Variants in TTC28 observed in about 807,000 individuals in gnomAD.
The protein encoded by TTC28 is tetratricopeptide repeat protein 28.
In TTC28, 61 loss-of-function variants were observed where a neutral mutation model predicts 198.0. The ratio of observed to expected loss-of-function variants is 0.31; its 90% CI spans 0.25 to 0.38. The LOEUF is 0.38. Among genes scored for constraint, TTC28 ranks in the 10% least tolerant of loss-of-function variants. The pLI is 1.00. For synonymous variants in TTC28, 1,171 were observed against 1,297.8 expected, an observed-to-expected ratio of 0.90 and a Z score of 2.10; for missense variants, 2,678 against 3,164.0, an observed-to-expected ratio of 0.85 and a Z score of 3.69.
intron 6 of TTC28, among the ~76,000 whole-genome samples, chr22:28,133,693 A>C (rs1326889877): frequency 6.6e-6 from 1 of 152,222 alleles, no homozygotes; most frequent in East Asian, 1.9e-4. Context: ...AGGCTTGAGT[A>C]GGTAAACAAA....
At chr22:28,149,597 T>C (rs1013247353) in intron 6 of TTC28, among the ~76,000 whole-genome samples, 3 of 152,204 alleles carry the variant, frequency 2.0e-5, no homozygotes, top group African/African-American at 7.2e-5. Flanking sequence ...CCTAGGCCAA[T>C]GCAGGGTCAG....
intron 5 of TTC28, among the ~76,000 whole-genome samples, chr22:28,213,725 G>A (rs1927130772): frequency 6.6e-6 from 1 of 150,686 alleles, no homozygotes; most frequent in Admixed American, 6.6e-5. Flanking sequence ...TATAGATTCA[G>A]TGCCATCTCC....
chr22:28,525,294 A>G (rs2048985650), intron 2 of TTC28, among the ~76,000 whole-genome samples: 1 of 152,074 alleles, frequency 6.6e-6, no homozygotes, highest in Non-Finnish European at 1.5e-5. Flanking sequence ...CTAGGACCAC[A>G]GGTGCACATT....
intron 1 of TTC28, among the ~76,000 whole-genome samples, chr22:28,674,459 T>C (rs2051945036): frequency 6.6e-6 from 1 of 152,160 alleles, no homozygotes; most frequent in Non-Finnish European, 1.5e-5. Flanking sequence ...TCCTCTTTTA[T>C]TTAACAATTC....
intron 2 of TTC28, among the ~76,000 whole-genome samples, chr22:28,624,875 C>T (rs1368045828): frequency 6.6e-6 from 1 of 152,004 alleles, no homozygotes; most frequent in African/African-American, 2.4e-5. Flanking sequence ...CAACAATAAA[C>T]AAAAAGAATA....
At chr22:28,538,751 A>C (rs2049351283) in intron 2 of TTC28, among the ~76,000 whole-genome samples, 1 of 151,608 alleles carries the variant, frequency 6.6e-6, no homozygotes, top group South Asian at 2.1e-4. Context: ...TAGTAGAGAC[A>C]GGGTTTCACC....
At chr22:28,179,109 T>C (rs1344563164) in intron 5 of TTC28, among the ~76,000 whole-genome samples, 3 of 151,994 alleles carry the variant, frequency 2.0e-5, no homozygotes, top group Non-Finnish European at 4.4e-5. Context: ...CTAATTAGAA[T>C]ACAATTGGGT....
chr22:28,573,488 AAG>A (rs1265690329), intron 2 of TTC28, among the ~76,000 whole-genome samples: 1 of 151,916 alleles, frequency 6.6e-6, no homozygotes, highest in Non-Finnish European at 1.5e-5. Flanking sequence ...ATAAATAAAT[AAG>A]AGAAGCAATA....
At chr22:28,536,362 C>T (rs1397793014) in intron 2 of TTC28, among the ~76,000 whole-genome samples, 2 of 151,968 alleles carry the variant, frequency 1.3e-5, no homozygotes, top group South Asian at 2.1e-4. Flanking sequence ...CGGTGGCTCA[C>T]GCCTGTAATC....
intron 2 of TTC28, among the ~76,000 whole-genome samples, chr22:28,521,897 AG>A (rs1360792813): frequency 6.6e-6 from 1 of 152,222 alleles, no homozygotes; most frequent in Non-Finnish European, 1.5e-5. Flanking sequence ...GTGAACACCC[AG>A]AGCTCTTTAT....
chr22:28,138,674 A>C (rs1463181010), intron 6 of TTC28, among the ~76,000 whole-genome samples: 1 of 152,328 alleles, frequency 6.6e-6, no homozygotes, highest in Non-Finnish European at 1.5e-5. Flanking sequence ...TATCAAGGCC[A>C]AACAACTTGT....
intron 2 of TTC28, among the ~76,000 whole-genome samples, chr22:28,603,528 CA>C (rs2050677592): frequency 6.6e-6 from 1 of 152,156 alleles, no homozygotes; most frequent in Non-Finnish European, 1.5e-5. Context: ...GCTGGGACTA[CA>C]GCTACATGCC....
intron 12 of TTC28, among the ~76,000 whole-genome samples, chr22:28,045,049 T>C (rs1939809406): frequency 6.6e-6 from 1 of 152,162 alleles, no homozygotes; most frequent in African/African-American, 2.4e-5. Flanking sequence ...ATTTTTGAAA[T>C]CTTTGCCGAG....
chr22:28,030,960 C>T (rs981598732), intron 12 of TTC28, among the ~76,000 whole-genome samples: 1 of 152,222 alleles, frequency 6.6e-6, no homozygotes, highest in African/African-American at 2.4e-5. Context: ...AGAACTGCCG[C>T]TGATTTGGCC....
chr22:28,157,068 GA>G (rs1361404201), intron 6 of TTC28, among the ~76,000 whole-genome samples: 1 of 152,112 alleles, frequency 6.6e-6, no homozygotes, highest in Non-Finnish European at 1.5e-5. Flanking sequence ...AAGAAAAAAA[GA>G]GAGCAGATAC....
intron 2 of TTC28, among the ~76,000 whole-genome samples, chr22:28,336,324 G>A (rs1018544634): frequency 1.3e-5 from 2 of 152,096 alleles, no homozygotes; most frequent in Admixed American, 6.6e-5. Context: ...TCCACCAGGC[G>A]TTGGTTATCA....
chr22:27,990,969 C>G (rs1446276599), intron 19 of TTC28, among the ~76,000 whole-genome samples, 157 bp from the exon 20 acceptor site: 1 of 152,142 alleles, frequency 6.6e-6, no homozygotes, highest in Non-Finnish European at 1.5e-5. Context: ...CAAGAGTCAG[C>G]AGGGGACACA....
intron 2 of TTC28, among the ~76,000 whole-genome samples, chr22:28,308,995 AAATGGCTGT>A (rs2045201729): frequency 6.6e-6 from 1 of 152,220 alleles, no homozygotes; most frequent in Non-Finnish European, 1.5e-5. Context: ...TTGCATGTAC[AAATGGCTGT>A]TGAATAAAAA....
intron 5 of TTC28, among the ~76,000 whole-genome samples, chr22:28,236,291 C>T (rs1232730917): frequency 1.3e-5 from 2 of 152,210 alleles, no homozygotes; most frequent in Non-Finnish European, 2.9e-5. Context: ...ATTTCTTTAG[C>T]TATTCCCACA....
Sources: allele counts gnomAD v4.1 joint callset (sites outside exome capture counted in the v4.1 genomes callset), GRCh38; gene constraint gnomAD v4.1.1; transcripts MANE v1.5; gene names NCBI Gene and HGNC (gene_info 2026-07-23, HGNC 2026-07-21).